SCYL1: variants seen among roughly 807,000 people sequenced by gnomAD.
The protein encoded by SCYL1 is SCY1 like pseudokinase 1, also known as N-terminal kinase-like protein.
A neutral mutation model predicts 94.8 loss-of-function variants in SCYL1; 85 were observed. That is an observed-to-expected ratio of 0.90 (90% CI 0.75 to 1.07). The LOEUF (loss-of-function observed/expected upper bound fraction) is 1.07, where lower values mean the gene tolerates loss of function less well. SCYL1 is among the 50% of genes least tolerant of loss of function. The pLI is 0.00. For synonymous variants in SCYL1, 459 were observed against 435.5 expected, an observed-to-expected ratio of 1.05 and a Z score of -0.67; for missense variants, 968 against 1,083.3, an observed-to-expected ratio of 0.89 and a Z score of 1.49.
rs372432278 is a variant in SCYL1 at position 65,531,589 on chromosome 11, T to A, written c.1022T>A (p.Leu341Gln). The A allele has an allele frequency of 4.3e-6, 7 of 1,613,788 alleles. No individual in the cohort carries two copies. In the African/African-American group the frequency reaches 9.3e-5, roughly 22 times the overall value. The change falls in exon 8 of 18, where the codon CTG becomes CAG. Residue 341 changes from leucine (L) to glutamine (Q), a missense_variant. Around this residue, in one of 2 missense-constraint regions of SCYL1, gnomAD observed 494 missense variants for 619.7 expected, o/e 0.80. Coordinates refer to ENST00000270176, the MANE Select transcript of SCYL1 (RefSeq NM_020680.4). ...LTPLFKVGKFLSAEEYQQKII... is the reference protein window; with the variant it reads ...LTPLFKVGKFQSAEEYQQKII... ...CTGCCCTTTCAGGTGGGCAAGTTCC[T>A]GAGCGCTGAGGAGTATCAGCAGAAG...
rs754208663 is a variant in SCYL1, at chr11:65,526,869, G to A, written c.689G>A (p.Gly230Glu). The change falls in exon 5 of 18, where the codon GGG becomes GAG. Residue 230 changes from glycine to glutamate, a missense_variant. Gly to Glu is a moderately conservative substitution (Grantham distance 98). Around this residue, in one of 2 missense-constraint regions of SCYL1, gnomAD observed 494 missense variants for 619.7 expected, o/e 0.80. Transcript: ENST00000270176. The surrounding 1 kb of genome is among the most constrained non-coding windows in gnomAD (Gnocchi z 4.1). ...LPRAAALRNP[G>E]KIPKTLVPHY... ...CGGGCAGCAGCCCTACGCAACCCTG[G>A]GAAGGTAAGTTTCTTGCCCCTGGCT... The A allele has an allele frequency of 2.5e-6, 4 of 1,613,236 alleles. No individual in the cohort carries two copies. The highest frequency in any genetic ancestry group is 8.5e-7 in the Non-Finnish European group (1 of 1,179,932).
intron 6 of SCYL1, among the ~76,000 whole-genome samples, chr11:65,530,326 C>A (rs1352440833): frequency 6.6e-6 from 1 of 152,230 alleles, no homozygotes. Context: ...CTCCCAGCAA[C>A]AGGTCAGGTA....
Position 65,536,064 on chromosome 11 carries a change from A to G in SCYL1, c.1498A>G (p.Met500Val), listed in dbSNP as rs78069132. The G allele has an allele frequency of 5.6e-6, 9 of 1,614,158 alleles. No individual in the cohort carries two copies. Among genetic ancestry groups the G allele is most frequent in the Admixed American group, 1.7e-5 (1 of 60,010 alleles). Reference protein sequence around the residue: ...GFAATHNLYSMNDCAQKILPV... With the variant: ...GFAATHNLYSVNDCAQKILPV... The stretch of plus-strand genomic sequence containing the variant: ...TGCTGCCACCCACAACCTCTACTCA[A>G]TGAACGACTGTGCCCAGAAGATCCT... The change falls in exon 11 of 18, where the codon ATG becomes GTG. Residue 500 changes from methionine to valine, a missense_variant. Met to Val is a conservative substitution (Grantham distance 21). Coordinates refer to ENST00000270176, the MANE Select transcript of SCYL1 (RefSeq NM_020680.4).
At position 65,538,595 on chromosome 11, in the gene SCYL1, G is replaced by A. The variant is rs779089015; in HGVS notation, c.*29G>A. The A allele has an allele frequency of 2.6e-5, 41 of 1,601,168 alleles. No homozygotes were observed. The highest frequency in any genetic ancestry group is 3.2e-5 in the Non-Finnish European group (37 of 1,174,348). On this transcript the variant is annotated 3_prime_UTR_variant, in exon 18 of 18. Transcript: ENST00000270176. ...GTGGCGGTGGCCCTTCCCGGCTGCG[G>A]AGAGCCCGCCCCACAGATGTATTTA...
In SCYL1 at chr11:65,526,318, T is replaced by A; in HGVS notation, c.570T>A (p.Ala190=). Reference sequence around the variant, plus strand: ...AGCAGTATGACCCCCCGGAGTTGGCTGACAGCAGTGGCAGAGTGGTCAGAG... The same window carrying A: ...AGCAGTATGACCCCCCGGAGTTGGCAGACAGCAGTGGCAGAGTGGTCAGAG... ...ELEQYDPPEL[A]DSSGRVVREK... The change falls in exon 4 of 18, where the codon GCT becomes GCA. Residue 190 remains alanine, a synonymous_variant. Coordinates refer to ENST00000270176, the MANE Select transcript of SCYL1 (RefSeq NM_020680.4). This position sits in a 1 kb window ranked among gnomAD's most constrained non-coding sequence, Gnocchi z 4.1. 1 of 1,607,498 alleles carries A rather than the reference T, an allele frequency of 6.2e-7. No homozygotes were observed. The highest frequency in any genetic ancestry group is 2.2e-5 in the East Asian group (1 of 44,702).
At position 65,527,081 on chromosome 11, in the gene SCYL1, C is replaced by T. The variant is rs1178314056; in HGVS notation, c.813C>T (p.Arg271=). Reference sequence around the variant, plus strand: ...CACCTGGTGGCTTCATGAGCAACCGCTTTGTAGAAACCAACCTCTTCCTGG... The same window carrying T: ...CACCTGGTGGCTTCATGAGCAACCGTTTTGTAGAAACCAACCTCTTCCTGG... ...CRAPGGFMSN[R]FVETNLFLEE... is the part of the protein sequence containing the mutation. Residue 271 remains arginine (R), a synonymous_variant, in exon 6 of 18, where the codon CGC becomes CGT. Transcript: ENST00000270176. 1.2e-6 allele frequency: 2 copies of T among 1,613,614 alleles called. No homozygotes were observed. Among genetic ancestry groups the T allele is most frequent in the Non-Finnish European group, 1.7e-6 (2 of 1,179,992 alleles).
At position 65,535,922 on chromosome 11, in the gene SCYL1, C is replaced by T. The variant is rs757469646; in HGVS notation, c.1387-31C>T. On this transcript the variant is annotated intron_variant, in intron 10 of 17. Coordinates refer to ENST00000270176, the MANE Select transcript of SCYL1 (RefSeq NM_020680.4). Reference sequence around the variant, plus strand: ...TCTGGGTCCCAACATTGACCCTACACTCAGGAGCCCTCTTTCCTGCCCCAT... The same window carrying T: ...TCTGGGTCCCAACATTGACCCTACATTCAGGAGCCCTCTTTCCTGCCCCAT... 6 of 1,540,002 alleles carry T rather than the reference C, an allele frequency of 3.9e-6. No individual in the cohort carries two copies. In the African/African-American group the frequency reaches 5.5e-5, roughly 14 times the overall value.
rs1402362611 is a variant in SCYL1 at position 65,526,013 on chromosome 11, G to A, written c.345G>A (p.Leu115=). ...ARVEAGGLKE[L]EISWGLHQIV... ...TGGAGGCTGGTGGCCTGAAGGAGCT[G>A]GAGATCTCCTGGGGGCTACACCAGA... Residue 115 remains leucine (L), a synonymous_variant, in exon 3 of 18, where the codon CTG becomes CTA. Coordinates refer to ENST00000270176, the MANE Select transcript of SCYL1 (RefSeq NM_020680.4). This position sits in a 1 kb window ranked among gnomAD's most constrained non-coding sequence, Gnocchi z 4.1. 2.5e-6 allele frequency: 4 copies of A among 1,613,254 alleles called. No individual in the cohort carries two copies. Among genetic ancestry groups the A allele is most frequent in the Non-Finnish European group, 3.4e-6 (4 of 1,179,936 alleles).
rs1405291179 is a variant in SCYL1 at position 65,536,600 on chromosome 11, G to A, written c.1666G>A (p.Ala556Thr). 3 of 1,614,008 alleles carry A rather than the reference G, an allele frequency of 1.9e-6. No homozygotes were observed. Among genetic ancestry groups the A allele is most frequent in the Non-Finnish European group, 2.5e-6 (3 of 1,179,994 alleles). Residue 556 changes from alanine to threonine, a missense_variant, in exon 13 of 18, where the codon GCA becomes ACA. Ala to Thr is a moderately conservative substitution (Grantham distance 58). Around this residue, in one of 2 missense-constraint regions of SCYL1, gnomAD observed 474 missense variants for 463.6 expected, o/e 1.02. Transcript: ENST00000270176. Reference protein sequence around the residue: ...QLEEVEKDVHAASSPGMGGAA... With the variant: ...QLEEVEKDVHTASSPGMGGAA... ...CCACTGCCCAGAGAAGGATGTCCAT[G>A]CAGCCTCCAGCCCTGGCATGGGAGG...
Position 65,525,168 on chromosome 11 carries a change from C to T in SCYL1, c.15C>T (p.Ala5=). Residue 5 remains alanine (A), a synonymous_variant, in exon 1 of 18, where the codon GCC becomes GCT. Transcript: ENST00000270176. ...CGGTGGGGACGATGTGGTTCTTTGC[C>T]CGGGACCCGGTCCGGGACTTTCCGT... MWFF[A]RDPVRDFPFE... 7.2e-7 allele frequency: 1 copy of T among 1,388,956 alleles called. No homozygotes were observed. Among genetic ancestry groups the T allele is most frequent in the Non-Finnish European group, 9.4e-7 (1 of 1,062,440 alleles). The allele number at this position is 1,388,956 out of a possible 1,614,324, so 86.0% of individuals were successfully genotyped here.
chr11:65,525,140 C>A lies in SCYL1; in HGVS notation c.-14C>A. The A allele has an allele frequency of 7.6e-7, 1 of 1,314,982 alleles. No homozygotes were observed. The allele number at this position is 1,314,982 out of a possible 1,614,324, so 81.5% of individuals were successfully genotyped here. A position where few individuals can be genotyped will look rare whatever the true frequency, so the allele number is the denominator to read the frequency against. On this transcript the variant is annotated 5_prime_UTR_variant, in exon 1 of 18. Transcript: ENST00000270176. ...GGAGCTAAGGCGCCCGAACCCGCGG[C>A]GGCGGTGGGGACGATGTGGTTCTTT...
chr11:65,538,184 T>A lies in SCYL1; in HGVS notation c.2247+2T>A. On this transcript the variant is annotated splice_donor_variant, in intron 16 of 17. Transcript: ENST00000270176. LOFTEE classifies it high-confidence loss of function. ...CTGTCTGCACGTCCCAGCACCCAGG[T>A]ACCCAGCACAGGTCTGGCGAGAGGG... is the stretch of plus-strand genomic sequence containing the variant. 6.3e-7 allele frequency: 1 copy of A among 1,579,550 alleles called. No homozygotes were observed. Among genetic ancestry groups the A allele is most frequent in the Non-Finnish European group, 8.6e-7 (1 of 1,162,560 alleles).
At chr11:65,533,638 C>T (rs937775300) in intron 9 of SCYL1, among the ~76,000 whole-genome samples, 1 of 144,308 alleles carries the variant, frequency 6.9e-6, no homozygotes, top group African/African-American at 2.6e-5. Context: ...AAGTTAGGCG[C>T]GTATGGTGAT....
chr11:65,537,424 G>T (rs1043551084), intron 14 of SCYL1, among the ~76,000 whole-genome samples: 1 of 152,144 alleles, frequency 6.6e-6, no homozygotes, highest in Non-Finnish European at 1.5e-5. Context: ...CCAGCCATGG[G>T]GGTCAGCAAG....
At position 65,526,877 on chromosome 11, in the gene SCYL1, A is replaced by C. The variant is rs779237773; in HGVS notation, c.693+4A>C. 1.9e-6 allele frequency: 3 copies of C among 1,613,166 alleles called. No individual in the cohort carries two copies. Among genetic ancestry groups the C allele is most frequent in the Non-Finnish European group, 1.7e-6 (2 of 1,179,788 alleles). Reference sequence around the variant, plus strand: ...AGCCCTACGCAACCCTGGGAAGGTAAGTTTCTTGCCCCTGGCTCTTTGCCC... The same window carrying C: ...AGCCCTACGCAACCCTGGGAAGGTACGTTTCTTGCCCCTGGCTCTTTGCCC... On this transcript the variant is annotated splice_donor_region_variant and intron_variant, in intron 5 of 17. Transcript: ENST00000270176. The surrounding 1 kb of genome is among the most constrained non-coding windows in gnomAD (Gnocchi z 4.1).
At chr11:65,527,257 C>A in intron 6 of SCYL1, 140 bp downstream of exon 6, 1 of 883,946 alleles carries the variant, frequency 1.1e-6, no homozygotes, top group Non-Finnish European at 1.8e-6. Flanking sequence ...CAAACCCAGG[C>A]TCCAGCTCAT....
At chr11:65,532,590 A>T in intron 8 of SCYL1, 102 bp from the exon 9 acceptor site, 1 of 922,764 alleles carries the variant, frequency 1.1e-6, no homozygotes, top group Non-Finnish European at 1.7e-6. Flanking sequence ...CTGGCTGGCC[A>T]GTGCCTGCTG....
At position 65,536,305 on chromosome 11, in the gene SCYL1, C is replaced by G; in HGVS notation, c.1622C>G (p.Ser541Trp). 1.9e-6 allele frequency: 3 copies of G among 1,614,142 alleles called. No individual in the cohort carries two copies. The highest frequency in any genetic ancestry group is 2.5e-6 in the Non-Finnish European group (3 of 1,180,008). ...RSFLSKLESV[S>W]EDPTQLEEVE... ...TTCCTGTCCAAATTGGAGTCTGTGT[C>G]GGAGGACCCGACCCAGCTGGAGGAA... Residue 541 changes from serine to tryptophan, a missense_variant, in exon 12 of 18, where the codon TCG (serine) becomes TGG (tryptophan). This residue lies in a region of SCYL1 where 474 missense variants were observed against 463.6 expected (regional missense o/e 1.02). Transcript: ENST00000270176.
At chr11:65,533,505 G>A (rs998053496) in intron 9 of SCYL1, among the ~76,000 whole-genome samples, 7 of 152,354 alleles carry the variant, frequency 4.6e-5, no homozygotes, top group Non-Finnish European at 7.3e-5. Context: ...GGGGCTGGGC[G>A]CAGTGGCTTA....
Sources: allele counts gnomAD v4.1 joint callset (sites outside exome capture counted in the v4.1 genomes callset), GRCh38; gene constraint gnomAD v4.1.1; regional missense constraint gnomAD v4.1.1; non-coding constraint Gnocchi (gnomAD v3.1); transcripts MANE v1.5; gene names NCBI Gene and HGNC (gene_info 2026-07-23, HGNC 2026-07-21).